The following CDH22 variants were observed in gnomAD, a reference collection of about 807,000 sequenced individuals.
CDH22 encodes the protein cadherin-22.
In CDH22, 30 loss-of-function variants were observed where a neutral mutation model predicts 58.4. The observed-to-expected ratio is 0.51, with a 90% CI of 0.38 to 0.70. The LOEUF (loss-of-function observed/expected upper bound fraction) is 0.70. Ranked by LOEUF, CDH22 falls within the 30% of genes least tolerant of loss-of-function variation. The probability of loss-of-function intolerance (pLI) is 0.00; values close to 1 mark genes in which losing one functional copy is unlikely to be tolerated. For synonymous variants in CDH22, 513 were observed against 558.2 expected (o/e 0.92, Z 1.14); for missense variants, 1,014 against 1,233.9 (o/e 0.82, Z 2.67).
intron 8 of CDH22, among the ~76,000 whole-genome samples, chr20:46,191,729 A>G (rs2145660649): frequency 1.3e-5 from 2 of 152,280 alleles, no homozygotes; most frequent in East Asian, 3.9e-4. Flanking sequence ...GTTTTTAACC[A>G]CCACATGATG....
intron 4 of CDH22, 73 bp downstream of exon 4, chr20:46,227,435 G>T: frequency 7.3e-7 from 1 of 1,377,606 alleles, no homozygotes; most frequent in Non-Finnish European, 1.0e-6. Context: ...GCAGACGTCT[G>T]GGGTGGTCCT....
At chr20:46,267,093 A>G (rs576670725) in intron 1 of CDH22, among the ~76,000 whole-genome samples, 18 of 152,240 alleles carry the variant, frequency 1.2e-4, no homozygotes, top group African/African-American at 4.3e-4. Flanking sequence ...TATATTACAG[A>G]TAAAGAAACT....
intron 10 of CDH22, among the ~76,000 whole-genome samples, chr20:46,182,400 GATA>G (rs1298478746): frequency 1.3e-5 from 2 of 152,226 alleles, no homozygotes; most frequent in African/African-American, 4.8e-5. Flanking sequence ...TTAGGTGTGA[GATA>G]ATAGTAGTAG....
chr20:46,293,792 G>A (rs138248411), intron 1 of CDH22, among the ~76,000 whole-genome samples: 2 of 152,150 alleles, frequency 1.3e-5, no homozygotes, highest in African/African-American at 4.8e-5. Context: ...CAAGGCGGGC[G>A]TATCACGAGG....
At chr20:46,248,048 T>G (rs139310095) in intron 2 of CDH22, among the ~76,000 whole-genome samples, 84 of 152,244 alleles carry the variant, frequency 5.5e-4, no homozygotes, top group African/African-American at 1.9e-3. Flanking sequence ...GCACGGAGAT[T>G]GTGTTAGGAG....
chr20:46,249,550 G>C (rs2086355078), intron 2 of CDH22, among the ~76,000 whole-genome samples: 2 of 152,212 alleles, frequency 1.3e-5, no homozygotes, highest in South Asian at 4.1e-4. Context: ...CAAACCCAAA[G>C]GTTTACATCT....
At chr20:46,220,670 TGTGA>T (rs1216670676) in intron 4 of CDH22, 1 of 152,336 alleles carries the variant, frequency 6.6e-6, no homozygotes, top group Non-Finnish European at 1.5e-5. Context: ...GCTCCACCTC[TGTGA>T]GTGAGAGAGG....
intron 1 of CDH22, among the ~76,000 whole-genome samples, chr20:46,294,421 G>A (rs1464807028): frequency 2.0e-5 from 3 of 152,172 alleles, no homozygotes; most frequent in African/African-American, 7.2e-5. Flanking sequence ...ACAGGAGATG[G>A]GGACACACCA....
chr20:46,234,330 C>T (rs939900254), intron 3 of CDH22, among the ~76,000 whole-genome samples: 1 of 152,240 alleles, frequency 6.6e-6, no homozygotes, highest in Non-Finnish European at 1.5e-5. Context: ...GTTCTGGTTT[C>T]CGCTTCTGGG....
At chr20:46,254,570 A>G (rs1257443840) in intron 1 of CDH22, among the ~76,000 whole-genome samples, 1 of 151,826 alleles carries the variant, frequency 6.6e-6, no homozygotes, top group African/African-American at 2.4e-5. Flanking sequence ...AAAAAAAAAA[A>G]AAAAAATTGA....
rs549111506 is a variant in CDH22, at chr20:46,297,850, C to A, written c.-400+10405G>T. On this transcript the variant is annotated intron_variant, in intron 1 of 11. Coordinates refer to ENST00000537909, the MANE Select transcript of CDH22 (RefSeq NM_021248.3). ...TCCTCCCTGACCCACTACCCAGGTG[C>A]CCTACCTCAGCTGACCCATCCTAGC... Among the ~76,000 whole-genome samples, 415 of 152,136 alleles carry A rather than the reference C, an allele frequency of 2.7e-3. 2 individuals carry two copies. Among genetic ancestry groups the A allele is most frequent in the Non-Finnish European group, 2.1e-3 (142 of 67,976 alleles).
chr20:46,255,182 T>C (rs138640151), intron 1 of CDH22, among the ~76,000 whole-genome samples: 8,123 of 152,104 alleles, frequency 0.053, 650 homozygotes, highest in African/African-American at 0.17. Flanking sequence ...TCACCACACC[T>C]GGCTAATTTT....
chr20:46,279,402 G>A (rs1220912569), intron 1 of CDH22, among the ~76,000 whole-genome samples: 3 of 152,186 alleles, frequency 2.0e-5, no homozygotes, highest in Non-Finnish European at 4.4e-5. Flanking sequence ...CGCTAAGGGA[G>A]TGGACAAATA....
chr20:46,193,285 G>A (rs1250179187), intron 8 of CDH22, among the ~76,000 whole-genome samples: 11 of 152,114 alleles, frequency 7.2e-5, no homozygotes, highest in Admixed American at 7.2e-4. Context: ...GGCCTGATTT[G>A]CACACCTCTG....
intron 1 of CDH22, among the ~76,000 whole-genome samples, chr20:46,268,547 C>A (rs925634882): frequency 3.3e-4 from 51 of 152,256 alleles, no homozygotes; most frequent in African/African-American, 1.2e-3. Context: ...TCCCTCCCAC[C>A]ACCCCGGGCT....
chr20:46,232,083 C>T (rs2086223915), intron 3 of CDH22, among the ~76,000 whole-genome samples: 1 of 152,148 alleles, frequency 6.6e-6, no homozygotes, highest in Admixed American at 6.5e-5. Context: ...TTGCCTACTC[C>T]TCATCTCTGT....
intron 1 of CDH22, among the ~76,000 whole-genome samples, chr20:46,258,047 T>A (rs2086415003): frequency 6.6e-6 from 1 of 152,170 alleles, no homozygotes; most frequent in Non-Finnish European, 1.5e-5. Flanking sequence ...GTTAATAATG[T>A]TCCCCCAGTT....
intron 7 of CDH22, among the ~76,000 whole-genome samples, chr20:46,200,067 G>C (rs910616286): frequency 1.3e-5 from 2 of 152,080 alleles, no homozygotes; most frequent in African/African-American, 2.4e-5. Context: ...TCCGCCTCCC[G>C]GGTTCACGCC....
rs768698552 is a variant in CDH22, at chr20:46,181,716, T to TTTCCTTCC, written c.1664-3527_1664-3520dup. 6.7e-3 allele frequency among the ~76,000 whole-genome samples: 299 copies of TTTCCTTCC among 44,320 alleles called. 18 individuals carry two copies. Among genetic ancestry groups the TTTCCTTCC allele is most frequent in the East Asian group, 0.031 (54 of 1,744 alleles). The allele number at this position is 44,320 out of a possible 152,430, so 29.1% of individuals were successfully genotyped here. A position where few individuals can be genotyped will look rare whatever the true frequency, so the allele number is the denominator to read the frequency against. ...TCTTTTCTTTTCTTTTCTTTCTTTT[T>TTTCCTTCC]TTCCTTCCTTCCTTCCTTCCTTCCT... On this transcript the variant is annotated intron_variant, in intron 10 of 11. Coordinates refer to ENST00000537909, the MANE Select transcript of CDH22 (RefSeq NM_021248.3).
Sources: gnomAD v4.1 joint callset for allele counts (sites outside exome capture counted in the v4.1 genomes callset) on GRCh38, gnomAD v4.1.1 for gene constraint, MANE v1.5 for transcripts, NCBI Gene and HGNC (gene_info 2026-07-23, HGNC 2026-07-21) for gene names.